The following FHDC1 variants were observed in gnomAD, a reference collection of about 807,000 sequenced individuals.
FHDC1 encodes FH2 domain-containing protein 1.
Under a neutral mutation model 52.6 loss-of-function variants are expected in FHDC1, and 25 were observed. The observed-to-expected ratio is 0.48, with a 90% CI of 0.35 to 0.66. FHDC1 has a LOEUF of 0.66. Among genes scored for constraint, FHDC1 ranks in the 30% least tolerant of loss-of-function variants. The probability of loss-of-function intolerance (pLI) is 0.01; values close to 1 mark genes in which losing one functional copy is unlikely to be tolerated. For missense variants in FHDC1, 1,459 were observed against 1,452.8 expected (o/e 1.00, Z -0.07); for synonymous variants, 616 against 581.5 (o/e 1.06, Z -0.85).
chr4:152,932,401 C>CAAAA (rs58456339), upstream of FHDC1, among the ~76,000 whole-genome samples: 9 of 145,316 alleles, frequency 6.2e-5, no homozygotes, highest in South Asian at 8.7e-4. Flanking sequence ...GACTCTATCT[C>CAAAA]AAAAAAAAAA....
At chr4:152,924,069 C>T in the FHDC1 span, among the ~76,000 whole-genome samples, 1 of 150,350 alleles carries the variant, frequency 6.7e-6, no homozygotes, top group East Asian at 1.9e-4. Flanking sequence ...AGTGAACAGG[C>T]AACCTACAAA....
the FHDC1 span, among the ~76,000 whole-genome samples, chr4:152,921,395 TTTATC>T: frequency 5.3e-5 from 8 of 152,244 alleles, no homozygotes; most frequent in Non-Finnish European, 1.0e-4. Flanking sequence ...ATTCATCACA[TTTATC>T]TAATTAATTT....
the FHDC1 span, among the ~76,000 whole-genome samples, chr4:152,921,013 C>T: frequency 1.3e-5 from 2 of 151,948 alleles, no homozygotes; most frequent in African/African-American, 2.4e-5. Context: ...CTGAACATCC[C>T]TTTTTCTTAA....
At chr4:152,937,713 G>T (rs1579077192) in intron 1 of FHDC1, among the ~76,000 whole-genome samples, 2 of 152,002 alleles carry the variant, frequency 1.3e-5, no homozygotes, top group East Asian at 3.9e-4. Flanking sequence ...ATCTCAGCGC[G>T]CACCGGCGCC....
the FHDC1 span, among the ~76,000 whole-genome samples, chr4:152,914,071 T>C: frequency 2.0e-5 from 3 of 152,160 alleles, no homozygotes; most frequent in Non-Finnish European, 4.4e-5. Flanking sequence ...GCTAAGACTA[T>C]CCAGTTGTAA....
the FHDC1 span, chr4:152,927,679 G>T: frequency 6.4e-7 from 1 of 1,571,094 alleles, no homozygotes; most frequent in Non-Finnish European, 8.8e-7. Context: ...TCAAAAACAT[G>T]GTAAGAGGCT....
upstream of FHDC1, among the ~76,000 whole-genome samples, chr4:152,933,405 C>T (rs562301965): frequency 7.9e-4 from 120 of 152,226 alleles, no homozygotes; most frequent in Non-Finnish European, 1.4e-3. Flanking sequence ...CATTCAAGCA[C>T]TTTTTGACCA....
chr4:152,949,287 G>C (rs1179791570), intron 2 of FHDC1, among the ~76,000 whole-genome samples: 3 of 151,766 alleles, frequency 2.0e-5, no homozygotes, highest in South Asian at 2.1e-4. Context: ...ACTAGCCTGG[G>C]CAACATAGTG....
chr4:152,926,305 A>ACACAC, the FHDC1 span, among the ~76,000 whole-genome samples: 8 of 113,052 alleles, frequency 7.1e-5, no homozygotes, highest in Middle Eastern at 5.0e-3. Flanking sequence ...CACACACACA[A>ACACAC]ACAATACACA....
the FHDC1 span, chr4:152,927,978 A>G: frequency 7.4e-6 from 11 of 1,487,806 alleles, no homozygotes; most frequent in Admixed American, 1.7e-5. Flanking sequence ...CCTGAGCCAG[A>G]TGACAAGAAT....
intron 1 of FHDC1, among the ~76,000 whole-genome samples, chr4:152,937,146 CCT>C (rs1739407555): frequency 6.6e-6 from 1 of 152,206 alleles, no homozygotes. Context: ...AGGAGTCTCC[CCT>C]CTGTTTTTCT....
Position 152,976,617 on chromosome 4 carries a change from C to A in FHDC1, c.3326C>A (p.Thr1109Lys), listed in dbSNP as rs1249221027. The part of the protein sequence containing the change: ...PESAEGPSAN[T>K]EAPLKARGAG... ...TCTGCGGAGGGTCCCAGTGCCAACA[C>A]GGAGGCCCCTCTGAAGGCCAGAGGG... The change falls in exon 12 of 12, where the codon ACG (threonine) becomes AAG (lysine). Residue 1109 changes from threonine (T) to lysine (K), a missense_variant. By Grantham distance (78) the Thr-to-Lys change is moderately conservative (BLOSUM62 -1). Transcript: ENST00000511601. 1 of 1,610,242 alleles carries A rather than the reference C, an allele frequency of 6.2e-7. No individual in the cohort carries two copies. Among genetic ancestry groups the A allele is most frequent in the Non-Finnish European group, 8.5e-7 (1 of 1,178,446 alleles).
At chr4:152,963,621 T>C (rs1740352014) in intron 8 of FHDC1, among the ~76,000 whole-genome samples, 1 of 151,152 alleles carries the variant, frequency 6.6e-6, no homozygotes, top group African/African-American at 2.4e-5. Flanking sequence ...GAATAGAGGA[T>C]GGAGGATTGA....
chr4:152,969,792 C>T (rs570699451), intron 10 of FHDC1, among the ~76,000 whole-genome samples: 1 of 151,912 alleles, frequency 6.6e-6, no homozygotes, highest in South Asian at 2.1e-4. Context: ...CCCTCAGCCT[C>T]CTGAGCAGCT....
At chr4:152,954,190 T>C (rs1470090069) in intron 3 of FHDC1, 27 bp from the exon 4 acceptor site, 1 of 1,590,748 alleles carries the variant, frequency 6.3e-7, no homozygotes, top group Admixed American at 1.7e-5. Flanking sequence ...AAACGTGAAA[T>C]GGAATGTGAT....
At chr4:152,918,882 T>C in the FHDC1 span, among the ~76,000 whole-genome samples, 1 of 152,234 alleles carries the variant, frequency 6.6e-6, no homozygotes, top group Non-Finnish European at 1.5e-5. Flanking sequence ...TGGTCATGAG[T>C]ATTTGCTGAA....
At chr4:152,947,336 TA>T (rs988239594) in intron 2 of FHDC1, among the ~76,000 whole-genome samples, 2 of 152,072 alleles carry the variant, frequency 1.3e-5, no homozygotes, top group African/African-American at 4.8e-5. Context: ...GGTATAATAA[TA>T]ATTAAACTGT....
chr4:152,976,545 C>CTTTGAGGCGAGCCAG lies in FHDC1; in HGVS notation c.3255_3269dup (p.Leu1086_Ser1090dup). 1 of 1,613,018 alleles carries CTTTGAGGCGAGCCAG rather than the reference C, an allele frequency of 6.2e-7. No individual in the cohort carries two copies. The highest frequency in any genetic ancestry group is 1.7e-4 in the Middle Eastern group (1 of 6,056). On this transcript the variant is annotated inframe_insertion, in exon 12 of 12. Coordinates refer to ENST00000511601, the MANE Select transcript of FHDC1 (RefSeq NM_001371116.1). ...GATGCCGCTCCCAAGGACAGCAGCA[C>CTTTGAGGCGAGCCAG]TTTGAGGCGAGCCAGCAGTGCCCGG... is the stretch of plus-strand genomic sequence containing the variant.
At chr4:152,926,710 T>C in the FHDC1 span, among the ~76,000 whole-genome samples, 1 of 151,574 alleles carries the variant, frequency 6.6e-6, no homozygotes, top group Non-Finnish European at 1.5e-5. Flanking sequence ...TTTTCAATTA[T>C]GGGAATTTAG....
Sources: gnomAD v4.1 joint callset for allele counts (sites outside exome capture counted in the v4.1 genomes callset) on GRCh38, gnomAD v4.1.1 for gene constraint, MANE v1.5 for transcripts, NCBI Gene and HGNC (gene_info 2026-07-23, HGNC 2026-07-21) for gene names.